The following PRR16 variants were observed in gnomAD, a reference collection of about 807,000 sequenced individuals.
PRR16 encodes the protein protein Largen.
Under a neutral mutation model 18.2 loss-of-function variants are expected in PRR16, and 6 were observed. The ratio of observed to expected loss-of-function variants is 0.33; its 90% CI spans 0.18 to 0.65. PRR16 has a LOEUF of 0.65. Ranked by LOEUF, PRR16 falls within the 30% of genes least tolerant of loss-of-function variation. The probability of loss-of-function intolerance (pLI) is 0.74; values close to 1 mark genes in which losing one functional copy is unlikely to be tolerated. For synonymous variants in PRR16, 151 were observed against 147.8 expected, an observed-to-expected ratio of 1.02 and a Z score of -0.16; for missense variants, 412 against 376.6, an observed-to-expected ratio of 1.09 and a Z score of -0.78.
At chr5:120,694,698 A>AT in the PRR16 span, among the ~76,000 whole-genome samples, 1 of 141,448 alleles carries the variant, frequency 7.1e-6, no homozygotes, top group Non-Finnish European at 1.5e-5. Context: ...AAAAAAAAAA[A>AT]GAATTCTAAG....
At chr5:120,484,123 A>G (rs1200245660) in intron 1 of PRR16, among the ~76,000 whole-genome samples, 1 of 151,838 alleles carries the variant, frequency 6.6e-6, no homozygotes, top group Non-Finnish European at 1.5e-5. Context: ...AACTAACAAT[A>G]TTGTTTAATA....
At chr5:120,571,812 G>A (rs10079008) in intron 1 of PRR16, among the ~76,000 whole-genome samples, 47,510 of 151,964 alleles carry the variant, frequency 0.31, 7,712 homozygotes, top group Non-Finnish European at 0.32. Context: ...CAGCTGGGCA[G>A]TTCTGCTCCA....
At chr5:120,691,470 C>G (rs1055740697), downstream of PRR16, among the ~76,000 whole-genome samples, 1 of 152,006 alleles carries the variant, frequency 6.6e-6, no homozygotes, top group African/African-American at 2.4e-5. Flanking sequence ...TTTTTTTTCT[C>G]TAAGTTCAAA....
intron 1 of PRR16, among the ~76,000 whole-genome samples, chr5:120,515,375 C>T (rs1370646615): frequency 6.6e-6 from 1 of 152,134 alleles, no homozygotes; most frequent in Admixed American, 6.5e-5. Flanking sequence ...GAGACACATT[C>T]AAACCATAGC....
In PRR16 at chr5:120,669,910, T is replaced by C. The variant is rs139828332; in HGVS notation, c.160-16044T>C. ...TTTGATTTTTTTTAACTAATGATAGTATATTTATGAAGATAAACAACGGCG... is the reference window on the plus strand; with the variant it reads ...TTTGATTTTTTTTAACTAATGATAGCATATTTATGAAGATAAACAACGGCG... On this transcript the variant is annotated intron_variant, in intron 1 of 1. Transcript: ENST00000407149. Among the ~76,000 whole-genome samples the C allele has an allele frequency of 2.3e-3, 356 of 152,198 alleles. 13 individuals are homozygous for C. In the East Asian group the frequency reaches 0.059, roughly 25 times the overall value.
intron 1 of PRR16, among the ~76,000 whole-genome samples, chr5:120,619,735 A>G (rs1022508354): frequency 1.3e-5 from 2 of 152,102 alleles, no homozygotes; most frequent in East Asian, 1.9e-4. Context: ...CAAACCAAAA[A>G]TTAACAGTCT....
intron 1 of PRR16, among the ~76,000 whole-genome samples, chr5:120,602,303 T>C (rs530293383): frequency 1.3e-4 from 20 of 152,212 alleles, no homozygotes; most frequent in African/African-American, 4.6e-4. Flanking sequence ...TATTCCTCAG[T>C]ATTTTATTCT....
chr5:120,599,311 T>C (rs1385317877), intron 1 of PRR16, among the ~76,000 whole-genome samples: 5 of 151,918 alleles, frequency 3.3e-5, no homozygotes, highest in Admixed American at 6.6e-5. Flanking sequence ...TCTAAACTTA[T>C]AAATTTTGCA....
the PRR16 span, among the ~76,000 whole-genome samples, chr5:120,700,120 G>A: frequency 6.6e-6 from 1 of 152,110 alleles, no homozygotes; most frequent in African/African-American, 2.4e-5. Context: ...TTGAGGATAG[G>A]AGAGTATATG....
At chr5:120,748,503 A>G in the PRR16 span, among the ~76,000 whole-genome samples, 1 of 152,146 alleles carries the variant, frequency 6.6e-6, no homozygotes, top group East Asian at 1.9e-4. Context: ...TGTGGAAAAT[A>G]TGGAATAGTG....
At chr5:120,500,665 A>G (rs1386930509) in intron 1 of PRR16, among the ~76,000 whole-genome samples, 2 of 152,228 alleles carry the variant, frequency 1.3e-5, no homozygotes. Flanking sequence ...TCCAAATTAG[A>G]TAATGGAAAC....
chr5:120,590,019 G>C (rs1236709802), intron 1 of PRR16, among the ~76,000 whole-genome samples: 2 of 152,056 alleles, frequency 1.3e-5, no homozygotes, highest in African/African-American at 4.8e-5. Flanking sequence ...TTTCTTCCCT[G>C]ATTTATTTGA....
the PRR16 span, among the ~76,000 whole-genome samples, chr5:120,722,230 C>T: frequency 2.3e-3 from 348 of 152,006 alleles, 1 homozygote; most frequent in Non-Finnish European, 3.7e-3. Context: ...CATAGTATTC[C>T]GTCTGTTAGT....
intron 1 of PRR16, among the ~76,000 whole-genome samples, chr5:120,471,160 G>A (rs555821880): frequency 6.7e-4 from 102 of 152,044 alleles, no homozygotes; most frequent in Non-Finnish European, 1.2e-3. Flanking sequence ...ACAGTATTGA[G>A]ACAAAATTAA....
rs113320433 is a variant in PRR16 at position 120,633,622 on chromosome 5, CAA to C, written c.160-52330_160-52329del. ...TTAAAGTAACAGAAGTTAGATAAGACAAAGAGGGACATTATATAATGATAAAA... is the reference window on the plus strand; with the variant it reads ...TTAAAGTAACAGAAGTTAGATAAGACAGAGGGACATTATATAATGATAAAA... On this transcript the variant is annotated intron_variant, in intron 1 of 1. Coordinates refer to ENST00000407149, the MANE Select transcript of PRR16 (RefSeq NM_001300783.2). Among the ~76,000 whole-genome samples the C allele has an allele frequency of 5.7e-3, 873 of 152,020 alleles. 13 individuals are homozygous for C. Among genetic ancestry groups the C allele is most frequent in the African/African-American group, 0.02 (814 of 41,464 alleles).
At chr5:120,702,037 A>C in the PRR16 span, among the ~76,000 whole-genome samples, 1 of 151,996 alleles carries the variant, frequency 6.6e-6, no homozygotes, top group Admixed American at 6.6e-5. Flanking sequence ...AGGCCAAGGG[A>C]GTAGAAGAAG....
At chr5:120,588,594 A>G (rs1370596908) in intron 1 of PRR16, among the ~76,000 whole-genome samples, 1 of 152,230 alleles carries the variant, frequency 6.6e-6, no homozygotes, top group African/African-American at 2.4e-5. Context: ...TTTTTTAGAC[A>G]TAATGCTATT....
chr5:120,482,156 C>T (rs1580624945), intron 1 of PRR16, among the ~76,000 whole-genome samples: 1 of 152,148 alleles, frequency 6.6e-6, no homozygotes, highest in Middle Eastern at 3.4e-3. Flanking sequence ...ATTTTACATT[C>T]AGGGGGTACA....
chr5:120,778,660 A>T, the PRR16 span, among the ~76,000 whole-genome samples: 1 of 152,192 alleles, frequency 6.6e-6, no homozygotes, highest in Non-Finnish European at 1.5e-5. Flanking sequence ...GTCATGGCTG[A>T]CCAAACTGTT....
Sources: gnomAD v4.1 joint callset for allele counts (sites outside exome capture counted in the v4.1 genomes callset) on GRCh38, gnomAD v4.1.1 for gene constraint, MANE v1.5 for transcripts, NCBI Gene and HGNC (gene_info 2026-07-23, HGNC 2026-07-21) for gene names.